Variants in SV2B observed in about 807,000 individuals in gnomAD.
The protein encoded by SV2B is solute carrier family 22 member B2.
In SV2B, 41 loss-of-function variants were observed where a neutral mutation model predicts 73.9. The ratio of observed to expected loss-of-function variants is 0.56; its 90% CI spans 0.43 to 0.72. The LOEUF (loss-of-function observed/expected upper bound fraction) is 0.72. SV2B is among the 30% of genes least tolerant of loss of function. The probability of loss-of-function intolerance (pLI) is 0.00; values close to 1 mark genes in which losing one functional copy is unlikely to be tolerated. For missense variants in SV2B, 764 were observed against 857.8 expected (o/e 0.89, Z 1.37); for synonymous variants, 314 against 314.2 (o/e 1.00, Z 0.01).
At chr15:91,187,606 C>T (rs1567326686) in intron 1 of SV2B, among the ~76,000 whole-genome samples, 1 of 151,728 alleles carries the variant, frequency 6.6e-6, no homozygotes, top group Non-Finnish European at 1.5e-5. Context: ...TCAAGTGCTA[C>T]TTGATGCCTT....
At position 91,288,491 on chromosome 15, in the gene SV2B, C is replaced by T. The variant is rs1051736076; in HGVS notation, c.1709-1030C>T. 5.3e-5 allele frequency among the ~76,000 whole-genome samples: 8 copies of T among 151,576 alleles called. No individual in the cohort carries two copies. Among genetic ancestry groups the T allele is most frequent in the African/African-American group, 1.9e-4 (8 of 41,188 alleles). On this transcript the variant is annotated intron_variant, in intron 11 of 12. Transcript: ENST00000394232. This position sits in a 1 kb window ranked among gnomAD's most constrained non-coding sequence, Gnocchi z 5.8. Reference sequence around the variant, plus strand: ...AGTCACCGTGCTGTGTAGTAGATCTCGAAAAGTGAGATGATGCAGATGTTT... The same window carrying T: ...AGTCACCGTGCTGTGTAGTAGATCTTGAAAAGTGAGATGATGCAGATGTTT...
chr15:91,142,255 T>C (rs1019942764), intron 1 of SV2B, among the ~76,000 whole-genome samples: 11 of 152,310 alleles, frequency 7.2e-5, no homozygotes, highest in Non-Finnish European at 1.5e-4. Flanking sequence ...TCCAGTTCAC[T>C]TCAAATGAGG....
intron 1 of SV2B, among the ~76,000 whole-genome samples, chr15:91,209,045 ACT>A (rs1348218327): frequency 6.7e-6 from 1 of 149,736 alleles, no homozygotes; most frequent in Admixed American, 6.6e-5. Context: ...TCAGAGATAG[ACT>A]CTGTCCTCAA....
At position 91,137,036 on chromosome 15, in the gene SV2B, G is replaced by T. The variant is rs538461276; in HGVS notation, c.-392+36673G>T. Among the ~76,000 whole-genome samples, 1 of 152,244 alleles carries T rather than the reference G, an allele frequency of 6.6e-6. No individual in the cohort carries two copies. The highest frequency in any genetic ancestry group is 2.1e-4 in the South Asian group (1 of 4,822). On this transcript the variant is annotated intron_variant, in intron 1 of 12. Coordinates refer to ENST00000394232, the MANE Select transcript of SV2B (RefSeq NM_001323032.3). The surrounding 1 kb of genome is among the most constrained non-coding windows in gnomAD (Gnocchi z 4.9). ...AAAGCACTGGTATGTGATTTTTAGG[G>T]AAGAGTATGAATGATGCAACTTGTA...
At chr15:91,285,361 G>C (rs1226035277) in intron 11 of SV2B, among the ~76,000 whole-genome samples, 1 of 152,180 alleles carries the variant, frequency 6.6e-6, no homozygotes, top group Non-Finnish European at 1.5e-5. Flanking sequence ...GAGGCCCTAT[G>C]GGGGAAGGGA....
chr15:91,185,462 T>C (rs2044734515), intron 1 of SV2B, among the ~76,000 whole-genome samples: 1 of 152,196 alleles, frequency 6.6e-6, no homozygotes, highest in African/African-American at 2.4e-5. Context: ...TCCCGCTGTC[T>C]CCATCACATT....
intron 1 of SV2B, among the ~76,000 whole-genome samples, chr15:91,166,751 G>T (rs1184039674): frequency 6.6e-6 from 1 of 151,864 alleles, no homozygotes; most frequent in Middle Eastern, 3.5e-3. Context: ...AATCCATACA[G>T]GGAGTTTATA....
At chr15:91,196,259 A>G (rs2045242175) in intron 1 of SV2B, among the ~76,000 whole-genome samples, 1 of 152,250 alleles carries the variant, frequency 6.6e-6, no homozygotes, top group Non-Finnish European at 1.5e-5. Context: ...TTATGAAAAC[A>G]ACAAGGTTCT....
At position 91,292,923 on chromosome 15, in the gene SV2B, G is replaced by A. The variant is rs761675588; in HGVS notation, c.*371G>A. The A allele has an allele frequency of 2.2e-4, 36 of 162,592 alleles. No individual in the cohort carries two copies. The highest frequency in any genetic ancestry group is 4.0e-4 in the Non-Finnish European group (30 of 75,420). 10.1% of individuals were successfully genotyped at this position (162,592 alleles called of 1,614,324 possible). A position where few individuals can be genotyped will look rare whatever the true frequency, so the allele number is the denominator to read the frequency against. ...GAATTAGAGGGTCAGAAACACCCAG[G>A]TTCCTCCAGAAAGCTCCTTGGAGCC... On this transcript the variant is annotated 3_prime_UTR_variant, in exon 13 of 13. Coordinates refer to ENST00000394232, the MANE Select transcript of SV2B (RefSeq NM_001323032.3).
chr15:91,276,233 G>C (rs2048482778), intron 9 of SV2B, among the ~76,000 whole-genome samples: 1 of 150,730 alleles, frequency 6.6e-6, no homozygotes, highest in African/African-American at 2.4e-5. Context: ...CTTTATATTT[G>C]ATATTCAGCT....
At chr15:91,143,977 T>C (rs2043074076) in intron 1 of SV2B, among the ~76,000 whole-genome samples, 1 of 152,212 alleles carries the variant, frequency 6.6e-6, no homozygotes, top group Admixed American at 6.5e-5. Flanking sequence ...CACAATACTC[T>C]ATTCATGTAG....
Position 91,129,204 on chromosome 15 carries a change from A to G in SV2B, c.-392+28841A>G, listed in dbSNP as rs1194734573. Among the ~76,000 whole-genome samples the G allele has an allele frequency of 1.3e-5, 2 of 152,236 alleles. No individual in the cohort carries two copies. Among genetic ancestry groups the G allele is most frequent in the African/African-American group, 4.8e-5 (2 of 41,462 alleles). On this transcript the variant is annotated intron_variant, in intron 1 of 12. Coordinates refer to ENST00000394232, the MANE Select transcript of SV2B (RefSeq NM_001323032.3). The surrounding 1 kb of genome is among the most constrained non-coding windows in gnomAD (Gnocchi z 5.1). ...ATTTAACATGCCCTGGGGTAGGTAC[A>G]TGACACATTACAGAAATGAGTAGGT...
At chr15:91,190,686 A>G (rs1020336581) in intron 1 of SV2B, among the ~76,000 whole-genome samples, 2 of 152,214 alleles carry the variant, frequency 1.3e-5, no homozygotes, top group African/African-American at 2.4e-5. Context: ...CATAATCTCT[A>G]TGAAGCTTCT....
chr15:91,268,530 A>C lies in SV2B; in HGVS notation c.1298A>C (p.Glu433Ala), dbSNP rs1021540554. 1.9e-5 allele frequency: 30 copies of C among 1,613,950 alleles called. No homozygotes were observed. Among genetic ancestry groups the C allele is most frequent in the Admixed American group, 3.3e-5 (2 of 60,004 alleles). ...YKSKMKVFFG[E>A]HVYGATINFT... ...TCTAAAATGAAGGTGTTTTTTGGTG[A>C]GCATGTGTACGGCGCCACAATCAAC... Residue 433 changes from glutamate (E) to alanine (A), a missense_variant, in exon 9 of 13, where the codon GAG (glutamate) becomes GCG (alanine). Transcript: ENST00000394232. This position sits in a 1 kb window ranked among gnomAD's most constrained non-coding sequence, Gnocchi z 4.4.
intron 1 of SV2B, among the ~76,000 whole-genome samples, chr15:91,151,851 C>T (rs1396836871): frequency 6.6e-6 from 1 of 152,120 alleles, no homozygotes; most frequent in Admixed American, 6.5e-5. Context: ...ATACAATTTC[C>T]AACAGTGAAG....
chr15:91,265,260 C>T lies in SV2B; in HGVS notation c.1009-1322C>T, dbSNP rs2048060726. Among the ~76,000 whole-genome samples, 1 of 152,206 alleles carries T rather than the reference C, an allele frequency of 6.6e-6. No homozygotes were observed. The highest frequency in any genetic ancestry group is 1.5e-5 in the Non-Finnish European group (1 of 68,042). On this transcript the variant is annotated intron_variant, in intron 6 of 12. Transcript: ENST00000394232. This position sits in a 1 kb window ranked among gnomAD's most constrained non-coding sequence, Gnocchi z 4.2. Reference sequence around the variant, plus strand: ...AGGTTTTACCAGCCCTGTTGGCTGCCTCACAAACTCACAGTGAAACCTTTG... The same window carrying T: ...AGGTTTTACCAGCCCTGTTGGCTGCTTCACAAACTCACAGTGAAACCTTTG...
chr15:91,102,394 T>C (rs2041755073), intron 1 of SV2B: 1 of 152,172 alleles, frequency 6.6e-6, no homozygotes, highest in African/African-American at 2.4e-5. Flanking sequence ...GAGACAGTAA[T>C]AGGATTCTTA....
intron 1 of SV2B, among the ~76,000 whole-genome samples, chr15:91,194,342 T>G (rs1273806917): frequency 6.6e-6 from 1 of 152,106 alleles, no homozygotes; most frequent in Non-Finnish European, 1.5e-5. Context: ...CTCAGGAGCT[T>G]TATTTCCTTT....
At chr15:91,149,247 G>A (rs1355573105) in intron 1 of SV2B, among the ~76,000 whole-genome samples, 2 of 152,226 alleles carry the variant, frequency 1.3e-5, no homozygotes, top group African/African-American at 4.8e-5. Flanking sequence ...AGCAATGCAG[G>A]TGCTGGCCAT....
Sources: gnomAD v4.1 joint callset for allele counts (sites outside exome capture counted in the v4.1 genomes callset) on GRCh38, gnomAD v4.1.1 for gene constraint, Gnocchi (gnomAD v3.1) non-coding constraint, MANE v1.5 for transcripts, NCBI Gene and HGNC (gene_info 2026-07-23, HGNC 2026-07-21) for gene names.